Variants in FBXO21 observed in about 807,000 individuals in gnomAD.
FBXO21 encodes F-box only protein 21.
Under a neutral mutation model 76.6 loss-of-function variants are expected in FBXO21, and 32 were observed. That is an observed-to-expected ratio of 0.42 (90% CI 0.32 to 0.56). The LOEUF (loss-of-function observed/expected upper bound fraction) is 0.56, where lower values mean the gene tolerates loss of function less well. FBXO21 is among the 20% of genes least tolerant of loss of function. The pLI is 0.16. For synonymous variants in FBXO21, 328 were observed against 311.5 expected, an observed-to-expected ratio of 1.05 and a Z score of -0.56; for missense variants, 586 against 797.3, an observed-to-expected ratio of 0.73 and a Z score of 3.19.
In FBXO21 at chr12:117,158,138, G is replaced by T. The variant is rs1955938459; in HGVS notation, c.1327-75C>A. ...TTTCTTTTTTGCGGCGAGGGATTTA[G>T]ACCTACCTACGTAACCTAACAAAGC... On this transcript the variant is annotated intron_variant, in intron 9 of 11. Transcript: ENST00000622495. 3.9e-6 allele frequency: 6 copies of T among 1,546,288 alleles called. No homozygotes were observed. In the South Asian group the frequency reaches 6.8e-5, roughly 18 times the overall value.
At chr12:117,165,643 C>T in intron 8 of FBXO21, 26 bp from the exon 9 acceptor site, 1 of 1,546,154 alleles carries the variant, frequency 6.5e-7, no homozygotes, top group South Asian at 1.2e-5. Flanking sequence ...CAATGTTTGT[C>T]TCATCCTGCT....
At chr12:117,162,767 T>TA (rs1955997091) in intron 9 of FBXO21, among the ~76,000 whole-genome samples, 1 of 152,158 alleles carries the variant, frequency 6.6e-6, no homozygotes, top group Non-Finnish European at 1.5e-5. Context: ...CACACATATG[T>TA]AAAAATACAC....
chr12:117,184,200 C>T, intron 3 of FBXO21, among the ~76,000 whole-genome samples: 1 of 98,090 alleles, frequency 1.0e-5, no homozygotes, highest in Non-Finnish European at 2.4e-5. Flanking sequence ...AAAACAACTC[C>T]CCCCTGCTCA....
intron 11 of FBXO21, among the ~76,000 whole-genome samples, chr12:117,150,315 C>T (rs1318370947): frequency 6.6e-6 from 1 of 152,174 alleles, no homozygotes; most frequent in African/African-American, 2.4e-5. Flanking sequence ...TTTTAACGTT[C>T]AGCTACCCCA....
chr12:117,187,494 C>T (rs1270614767), intron 2 of FBXO21, among the ~76,000 whole-genome samples: 2 of 147,360 alleles, frequency 1.4e-5, no homozygotes, highest in African/African-American at 5.0e-5. Context: ...TTTCTTTTTG[C>T]AAGTAGCCAG....
intron 6 of FBXO21, among the ~76,000 whole-genome samples, chr12:117,173,360 T>TGGTC (rs1241786390): frequency 6.6e-6 from 1 of 152,204 alleles, no homozygotes; most frequent in Non-Finnish European, 1.5e-5. Context: ...CCTGGCCTGT[T>TGGTC]ACAGGAAAAG....
In FBXO21 at chr12:117,144,751, T is replaced by C. The variant is rs1054248993; in HGVS notation, c.*1336A>G. 7 of 152,204 alleles carry C rather than the reference T, an allele frequency of 4.6e-5. No homozygotes were observed. The highest frequency in any genetic ancestry group is 2.0e-4 in the Admixed American group (3 of 15,284). The allele number at this position is 152,204 out of a possible 1,614,324, so 9.4% of individuals were successfully genotyped here. On this transcript the variant is annotated 3_prime_UTR_variant, in exon 12 of 12. Coordinates refer to ENST00000622495, the MANE Select transcript of FBXO21 (RefSeq NM_015002.3). The stretch of plus-strand genomic sequence containing the variant: ...TGAGAACTGGCAGGCCGAGAGTTGG[T>C]GGAGCTCCAGAGCTGCACAAAGGCG...
chr12:117,167,145 G>C, intron 7 of FBXO21, 68 bp from the exon 8 acceptor site: 1 of 1,210,618 alleles, frequency 8.3e-7, no homozygotes, highest in Non-Finnish European at 1.2e-6. Flanking sequence ...ACAGTAAGTA[G>C]CTCAAATCAT....
intron 11 of FBXO21, chr12:117,154,328 TG>T (rs1955885852): frequency 6.6e-6 from 1 of 152,264 alleles, no homozygotes; most frequent in African/African-American, 2.4e-5. Context: ...ACATTTATCT[TG>T]ATGCTGCTGT....
chr12:117,154,863 A>G (rs1490002802), intron 11 of FBXO21, among the ~76,000 whole-genome samples: 1 of 152,204 alleles, frequency 6.6e-6, no homozygotes, highest in Non-Finnish European at 1.5e-5. Context: ...CTCAGACATG[A>G]GCAGGTACAG....
intron 2 of FBXO21, 116 bp downstream of exon 2, chr12:117,189,111 G>T: frequency 8.6e-7 from 1 of 1,156,934 alleles, no homozygotes; most frequent in East Asian, 2.3e-5. Flanking sequence ...AGTGAGTAAG[G>T]GATTGTGAGA....
At chr12:117,161,562 A>G (rs1165440031) in intron 9 of FBXO21, among the ~76,000 whole-genome samples, 2 of 152,184 alleles carry the variant, frequency 1.3e-5, no homozygotes, top group East Asian at 3.9e-4. Flanking sequence ...GAGGACAAGC[A>G]GGAGGCCAGG....
Position 117,146,261 on chromosome 12 carries a change from G to A in FBXO21, c.1692C>T (p.Asn564=), listed in dbSNP as rs3741467. 99,218 of 1,605,002 alleles carry A rather than the reference G, an allele frequency of 0.062. 4,055 individuals carry two copies. The highest frequency in any genetic ancestry group is 0.15 in the East Asian group (6,711 of 44,788). Residue 564 remains asparagine (N), a synonymous_variant, in exon 12 of 12, where the codon AAC becomes AAT. Transcript: ENST00000622495. ...RYAAQENLEY[N]VEPQEISHPD... Reference sequence around the variant, plus strand: ...GGTGTGAGATTTCTTGAGGCTCCACGTTATATTCCAAGTTTTCTGTTGGTA... The same window carrying A: ...GGTGTGAGATTTCTTGAGGCTCCACATTATATTCCAAGTTTTCTGTTGGTA...
At chr12:117,147,741 C>T (rs952374931) in intron 11 of FBXO21, among the ~76,000 whole-genome samples, 4 of 152,200 alleles carry the variant, frequency 2.6e-5, no homozygotes, top group Non-Finnish European at 5.9e-5. Flanking sequence ...TTGCCGCCCA[C>T]GGAGGCCTGG....
chr12:117,147,697 G>A (rs1357971948), intron 11 of FBXO21, among the ~76,000 whole-genome samples: 1 of 152,108 alleles, frequency 6.6e-6, no homozygotes, highest in Non-Finnish European at 1.5e-5. Flanking sequence ...CCTCCACAGG[G>A]CCAGTTAAAG....
intron 6 of FBXO21, among the ~76,000 whole-genome samples, chr12:117,173,036 A>ATTTTT (rs1395205768): frequency 6.9e-6 from 1 of 143,900 alleles, no homozygotes; most frequent in Non-Finnish European, 1.5e-5. Context: ...TGCTGAAATA[A>ATTTTT]TTTTTTTTTT....
rs57318190 is a variant in FBXO21, at chr12:117,147,597, C to CAA, written c.1676-1322_1676-1321dup. Among the ~76,000 whole-genome samples the CAA allele has an allele frequency of 2.9e-3, 255 of 87,102 alleles. 3 individuals carry two copies. The highest frequency in any genetic ancestry group is 0.012 in the Middle Eastern group (2 of 170). 57.1% of individuals were successfully genotyped at this position (87,102 alleles called of 152,430 possible). On this transcript the variant is annotated intron_variant, in intron 11 of 11. Coordinates refer to ENST00000622495, the MANE Select transcript of FBXO21 (RefSeq NM_015002.3). ...TGGGCAGCAGAGCAAGACTCCATCTCAAAAAAAAAAAAAAAAAAAAAGAGA... is the reference window on the plus strand; with the variant it reads ...TGGGCAGCAGAGCAAGACTCCATCTCAAAAAAAAAAAAAAAAAAAAAAAGAGA...
intron 9 of FBXO21, among the ~76,000 whole-genome samples, chr12:117,161,653 G>A (rs1258552269): frequency 2.0e-5 from 3 of 152,172 alleles, no homozygotes; most frequent in Non-Finnish European, 4.4e-5. Flanking sequence ...GTGCAGGGGT[G>A]TAGCAGGTGT....
chr12:117,155,803 A>G lies in FBXO21; in HGVS notation c.1663T>C (p.Tyr555His). The part of the protein sequence containing the change: ...NVLVEDGSCR[Y>H]AAQENLEYNV... ...ACCCGCCGCTTACCTTGGGCTGCGTATCGACAGGAGCCGTCCTCCACCAGC... is the reference window on the plus strand; with the variant it reads ...ACCCGCCGCTTACCTTGGGCTGCGTGTCGACAGGAGCCGTCCTCCACCAGC... Residue 555 changes from tyrosine (Y) to histidine (H), a missense_variant, in exon 11 of 12, where the codon TAC (tyrosine) becomes CAC (histidine). By Grantham distance (83) the Tyr-to-His change is moderately conservative (BLOSUM62 2). Coordinates refer to ENST00000622495, the MANE Select transcript of FBXO21 (RefSeq NM_015002.3). 6.2e-7 allele frequency: 1 copy of G among 1,613,692 alleles called. No homozygotes were observed. Among genetic ancestry groups the G allele is most frequent in the South Asian group, 1.1e-5 (1 of 90,980 alleles).
Sources: gnomAD v4.1 joint callset for allele counts (sites outside exome capture counted in the v4.1 genomes callset) on GRCh38, gnomAD v4.1.1 for gene constraint, MANE v1.5 for transcripts, NCBI Gene and HGNC (gene_info 2026-07-23, HGNC 2026-07-21) for gene names.